TNS3: variants seen among roughly 807,000 people sequenced by gnomAD.
The protein encoded by TNS3 is tensin-3.
In TNS3, 45 loss-of-function variants were observed where a neutral mutation model predicts 140.9. The ratio of observed to expected loss-of-function variants is 0.32; its 90% CI spans 0.25 to 0.41. The LOEUF (loss-of-function observed/expected upper bound fraction) is 0.41. Among genes scored for constraint, TNS3 ranks in the 10% least tolerant of loss-of-function variants. The probability of loss-of-function intolerance (pLI) is 1.00; values close to 1 mark genes in which losing one functional copy is unlikely to be tolerated. For missense variants in TNS3, 1,716 were observed against 1,906.7 expected (o/e 0.90, Z 1.86); for synonymous variants, 815 against 788.4 (o/e 1.03, Z -0.56).
At chr7:47,305,999 C>CAGGACT (rs1333357418) in intron 20 of TNS3, among the ~76,000 whole-genome samples, 1 of 152,122 alleles carries the variant, frequency 6.6e-6, no homozygotes, top group African/African-American at 2.4e-5. Context: ...CTACAACTCA[C>CAGGACT]AGGACTATCA....
chr7:47,368,361 T>C lies in TNS3; in HGVS notation c.2281+4A>G. On this transcript the variant is annotated splice_donor_region_variant and intron_variant, in intron 17 of 30. Coordinates refer to ENST00000311160, the MANE Select transcript of TNS3 (RefSeq NM_022748.12). ...GGAGCACCTCCCATGGAGACCCAGCTCACCTTGCCGCCCGGTGGCCCTGCT... is the reference window on the plus strand; with the variant it reads ...GGAGCACCTCCCATGGAGACCCAGCCCACCTTGCCGCCCGGTGGCCCTGCT... 1 of 1,481,176 alleles carries C rather than the reference T, an allele frequency of 6.8e-7. No homozygotes were observed. Among genetic ancestry groups the C allele is most frequent in the Non-Finnish European group, 9.0e-7 (1 of 1,116,238 alleles). 91.8% of individuals were successfully genotyped at this position (1,481,176 alleles called of 1,614,324 possible).
rs982227222 is a variant in TNS3 at position 47,551,940 on chromosome 7, G to A, written c.-264-22793C>T. Among the ~76,000 whole-genome samples, 77 of 152,198 alleles carry A rather than the reference G, an allele frequency of 5.1e-4. 2 individuals carry two copies. Among genetic ancestry groups the A allele is most frequent in the African/African-American group, 1.4e-3 (59 of 41,502 alleles). On this transcript the variant is annotated intron_variant, in intron 1 of 30. Coordinates refer to ENST00000311160, the MANE Select transcript of TNS3 (RefSeq NM_022748.12). ...GAGGCTACAAAACCGTGTGTCCACC[G>A]GGAGCGATCCTTGGCCTCTCTGCAA...
chr7:47,351,305 T>C (rs141847292), intron 17 of TNS3, among the ~76,000 whole-genome samples: 1 of 152,218 alleles, frequency 6.6e-6, no homozygotes, highest in African/African-American at 2.4e-5. Context: ...ATGTGGGAGG[T>C]AGTTTTCTGG....
intron 17 of TNS3, among the ~76,000 whole-genome samples, chr7:47,367,450 CT>C (rs1790771399): frequency 1.3e-5 from 2 of 152,212 alleles, no homozygotes; most frequent in Admixed American, 6.5e-5. Context: ...GAAGATAGTG[CT>C]GCTGTAACCC....
chr7:47,432,273 TA>T (rs1794963476), intron 8 of TNS3, among the ~76,000 whole-genome samples: 1 of 152,148 alleles, frequency 6.6e-6, no homozygotes, highest in African/African-American at 2.4e-5. Flanking sequence ...ATTAACCAGT[TA>T]TCACAGGAGT....
At chr7:47,333,628 A>C (rs943556610) in intron 20 of TNS3, among the ~76,000 whole-genome samples, 1 of 152,240 alleles carries the variant, frequency 6.6e-6, no homozygotes, top group African/African-American at 2.4e-5. Flanking sequence ...AAGGGAGTCG[A>C]GTACAGGAAA....
chr7:47,450,019 G>A lies in TNS3; in HGVS notation c.-75-7964C>T, dbSNP rs374436591. ...ATCCAGCAGAGGCACTGGCAGTCTA[G>A]CTCCCAGAGGTATCTCTAGCCTCTG... On this transcript the variant is annotated intron_variant, in intron 4 of 30. Transcript: ENST00000311160. 4.4e-4 allele frequency among the ~76,000 whole-genome samples: 67 copies of A among 152,280 alleles called. 1 individual carries two copies. Among genetic ancestry groups the A allele is most frequent in the African/African-American group, 1.5e-3 (63 of 41,564 alleles).
intron 20 of TNS3, among the ~76,000 whole-genome samples, chr7:47,335,016 T>C (rs547533903): frequency 6.6e-6 from 1 of 152,340 alleles, no homozygotes; most frequent in Non-Finnish European, 1.5e-5. Flanking sequence ...ATTTACATCT[T>C]ACATTTCATA....
rs772431665 is a variant in TNS3, at chr7:47,283,751, A to G, written c.4043T>C (p.Val1348Ala). ...LVQEPPPVST[V>A]VHFKVSAQGI... ...CTGGGCTGACACCTTGAAGTGCACA[A>G]CTGTGGACACAGGTGGAGGCTCCTG... The change falls in exon 28 of 31, where the codon GTT becomes GCT. Residue 1348 changes from valine (V) to alanine (A), a missense_variant. By Grantham distance (64) the Val-to-Ala change is moderately conservative. Transcript: ENST00000311160. 4.3e-6 allele frequency: 7 copies of G among 1,610,458 alleles called. No individual in the cohort carries two copies. In the African/African-American group the frequency reaches 8.0e-5, roughly 18 times the overall value.
chr7:47,562,959 A>G (rs1299739083), intron 1 of TNS3, among the ~76,000 whole-genome samples: 1 of 152,196 alleles, frequency 6.6e-6, no homozygotes, highest in Non-Finnish European at 1.5e-5. Context: ...TTCAACAACA[A>G]CAACCGTTGG....
intron 16 of TNS3, among the ~76,000 whole-genome samples, chr7:47,389,554 A>G (rs1792386447): frequency 6.6e-6 from 1 of 152,090 alleles, no homozygotes; most frequent in Admixed American, 6.5e-5. Context: ...ACACTTAATG[A>G]GATGGCGGCT....
chr7:47,498,767 C>T (rs1007958063), intron 3 of TNS3, among the ~76,000 whole-genome samples: 3 of 152,164 alleles, frequency 2.0e-5, no homozygotes, highest in Admixed American at 6.5e-5. Flanking sequence ...CCCGTCAGCC[C>T]GGCCAAAGGT....
intron 30 of TNS3, chr7:47,278,496 A>G: frequency 2.7e-6 from 1 of 375,554 alleles, no homozygotes; most frequent in Non-Finnish European, 4.8e-6. Context: ...ACCTGAATCA[A>G]AGCTGAGGCT....
At chr7:47,421,674 C>T (rs982696917) in intron 10 of TNS3, among the ~76,000 whole-genome samples, 8 of 152,174 alleles carry the variant, frequency 5.3e-5, no homozygotes, top group Non-Finnish European at 1.2e-4. Context: ...TGAGCACCAA[C>T]AGGAGGCCAC....
chr7:47,318,284 A>G (rs1323921636), intron 20 of TNS3, among the ~76,000 whole-genome samples: 1 of 152,216 alleles, frequency 6.6e-6, no homozygotes, highest in Non-Finnish European at 1.5e-5. Context: ...AAGGCTGAGT[A>G]ATATTCCACT....
chr7:47,516,079 C>T (rs1201342974), intron 2 of TNS3, among the ~76,000 whole-genome samples: 1 of 152,178 alleles, frequency 6.6e-6, no homozygotes, highest in African/African-American at 2.4e-5. Context: ...AAAGGGAATA[C>T]CTTGTTGTTT....
rs113739472 is a variant in TNS3 at position 47,389,092 on chromosome 7, G to A, written c.1024+7708C>T. Among the ~76,000 whole-genome samples the A allele has an allele frequency of 8.1e-3, 449 of 55,420 alleles. 106 individuals carry two copies. Among genetic ancestry groups the A allele is most frequent in the African/African-American group, 0.044 (366 of 8,364 alleles). The allele number at this position is 55,420 out of a possible 152,430, so 36.4% of individuals were successfully genotyped here. A position where few individuals can be genotyped will look rare whatever the true frequency, so the allele number is the denominator to read the frequency against. ...AAGAAGAAGAAGAAGAAGAGGAAGA[G>A]GAAGAGGAAGCGGAAGCAGAAGAAG... On this transcript the variant is annotated intron_variant, in intron 16 of 30. Transcript: ENST00000311160.
At chr7:47,426,077 T>A (rs1422956601) in intron 9 of TNS3, among the ~76,000 whole-genome samples, 2 of 149,328 alleles carry the variant, frequency 1.3e-5, no homozygotes, top group African/African-American at 4.9e-5. Flanking sequence ...GGTCAGGAGT[T>A]CAAGACCAGC....
At chr7:47,568,546 T>G (rs1445970640) in intron 1 of TNS3, among the ~76,000 whole-genome samples, 7 of 152,176 alleles carry the variant, frequency 4.6e-5, no homozygotes, top group Admixed American at 1.3e-4. Flanking sequence ...AATGAATGAA[T>G]AAAGGAAGGA....
Sources: gnomAD v4.1 joint callset for allele counts (sites outside exome capture counted in the v4.1 genomes callset) on GRCh38, gnomAD v4.1.1 for gene constraint, MANE v1.5 for transcripts, NCBI Gene and HGNC (gene_info 2026-07-23, HGNC 2026-07-21) for gene names.